SNX29: variants seen among roughly 807,000 people sequenced by gnomAD.
SNX29 encodes sorting nexin 29, also known as sorting nexin-29.
Under a neutral mutation model 102.1 loss-of-function variants are expected in SNX29, and 78 were observed. The observed-to-expected ratio is 0.76, with a 90% CI of 0.64 to 0.92. SNX29 has a LOEUF of 0.92. Ranked by LOEUF, SNX29 falls within the 40% of genes least tolerant of loss-of-function variation. SNX29 has a pLI of 0.00. For missense variants in SNX29, 1,280 were observed against 1,061.7 expected (o/e 1.21, Z -2.86); for synonymous variants, 580 against 414.5 (o/e 1.40, Z -4.85).
At chr16:12,024,038 C>A (rs1235642790) in intron 3 of SNX29, among the ~76,000 whole-genome samples, 1 of 152,004 alleles carries the variant, frequency 6.6e-6, no homozygotes, top group Non-Finnish European at 1.5e-5. Context: ...GGAAATCAGA[C>A]CATTAACAGA....
At chr16:12,203,328 GCGTAGTGTGGCCC>G in intron 14 of SNX29, among the ~76,000 whole-genome samples, 1 of 152,006 alleles carries the variant, frequency 6.6e-6, no homozygotes, top group South Asian at 2.1e-4. Flanking sequence ...CTCTGAAGTT[GCGTAGTGTGGCCC>G]TGCTGTCAGG....
In SNX29 at chr16:12,098,452, C is replaced by G. The variant is rs2052861730; in HGVS notation, c.1402+19537C>G. On this transcript the variant is annotated intron_variant, in intron 11 of 20. Coordinates refer to ENST00000566228, the MANE Select transcript of SNX29 (RefSeq NM_032167.5). The surrounding 1 kb of genome is among the most constrained non-coding windows in gnomAD (Gnocchi z 6.0). Reference sequence around the variant, plus strand: ...GGGGTTGGGCATACTGGAGCTCCCACTTGCAGTGGCCACCGCGTGCCCTTT... The same window carrying G: ...GGGGTTGGGCATACTGGAGCTCCCAGTTGCAGTGGCCACCGCGTGCCCTTT... Among the ~76,000 whole-genome samples, 1 of 152,212 alleles carries G rather than the reference C, an allele frequency of 6.6e-6. No individual in the cohort carries two copies. The highest frequency in any genetic ancestry group is 2.1e-4 in the South Asian group (1 of 4,832).
chr16:12,158,906 C>T (rs1004738581), intron 13 of SNX29, among the ~76,000 whole-genome samples: 12 of 152,226 alleles, frequency 7.9e-5, no homozygotes, highest in Non-Finnish European at 1.8e-4. Context: ...AAATTGTTGA[C>T]TTGATCTCAA....
intron 15 of SNX29, among the ~76,000 whole-genome samples, chr16:12,313,273 C>T (rs748044106): frequency 6.6e-6 from 1 of 152,140 alleles, no homozygotes; most frequent in Non-Finnish European, 1.5e-5. Context: ...CTCGGCCTCC[C>T]GAAGTGCTGG....
intron 9 of SNX29, among the ~76,000 whole-genome samples, chr16:12,068,291 A>T (rs982950490): frequency 6.6e-6 from 1 of 152,044 alleles, no homozygotes; most frequent in African/African-American, 2.4e-5. Context: ...AGCCTGGGCA[A>T]CATAGTGGGA....
chr16:12,288,437 C>T (rs531886183), intron 15 of SNX29, among the ~76,000 whole-genome samples: 4 of 152,178 alleles, frequency 2.6e-5, no homozygotes, highest in Non-Finnish European at 2.9e-5. Context: ...AGCTGCCACC[C>T]TCTGTTTGCG....
intron 13 of SNX29, among the ~76,000 whole-genome samples, chr16:12,151,678 G>A (rs555127539): frequency 2.0e-5 from 3 of 152,148 alleles, no homozygotes; most frequent in African/African-American, 4.8e-5. Context: ...CCTCATTATG[G>A]TTTTACATTT....
intron 20 of SNX29, among the ~76,000 whole-genome samples, chr16:12,554,483 A>G (rs975325529): frequency 6.6e-6 from 1 of 152,132 alleles, no homozygotes; most frequent in Non-Finnish European, 1.5e-5. Context: ...ATAGGCATGG[A>G]GTGGTTTCCA....
At chr16:12,377,780 G>C (rs1567499298) in intron 16 of SNX29, among the ~76,000 whole-genome samples, 2 of 152,150 alleles carry the variant, frequency 1.3e-5, no homozygotes, top group African/African-American at 4.8e-5. Flanking sequence ...TGTGTGTTGA[G>C]TTTTTCAGTT....
chr16:12,542,410 A>G (rs1212786011), intron 20 of SNX29, among the ~76,000 whole-genome samples: 1 of 152,224 alleles, frequency 6.6e-6, no homozygotes, highest in African/African-American at 2.4e-5. Context: ...GTCTCCCCTC[A>G]CTACAGCCTT....
At chr16:12,219,195 G>C (rs1479352769) in intron 14 of SNX29, among the ~76,000 whole-genome samples, 4 of 151,856 alleles carry the variant, frequency 2.6e-5, no homozygotes, top group African/African-American at 9.7e-5. Context: ...TGGGTGCAGC[G>C]TCCATCATTT....
intron 15 of SNX29, among the ~76,000 whole-genome samples, chr16:12,306,368 G>A (rs1021313175): frequency 2.0e-5 from 3 of 151,760 alleles, no homozygotes; most frequent in Admixed American, 6.6e-5. Flanking sequence ...GAGGGTATGG[G>A]ATAGACGGTG....
intron 9 of SNX29, among the ~76,000 whole-genome samples, chr16:12,065,612 C>T (rs2050998770): frequency 6.6e-6 from 1 of 152,190 alleles, no homozygotes; most frequent in Non-Finnish European, 1.5e-5. Flanking sequence ...GTGGCTCTGC[C>T]ATAATCTGAT....
Position 12,058,797 on chromosome 16 carries a change from G to GT in SNX29, c.1125-2704dup, listed in dbSNP as rs34150245. Among the ~76,000 whole-genome samples the GT allele has an allele frequency of 4.8e-3, 543 of 113,702 alleles. 8 individuals are homozygous for GT. Among genetic ancestry groups the GT allele is most frequent in the Non-Finnish European group, 6.7e-3 (377 of 56,484 alleles). 74.6% of individuals were successfully genotyped at this position (113,702 alleles called of 152,430 possible). ...GTGTGAGCCACAGCACCCGGCCTGG[G>GT]TTTTTTTTTTTTTTTTTTTTTTTTT... On this transcript the variant is annotated intron_variant, in intron 8 of 20. Transcript: ENST00000566228.
At chr16:12,304,431 T>C (rs1399606553) in intron 15 of SNX29, among the ~76,000 whole-genome samples, 1 of 152,244 alleles carries the variant, frequency 6.6e-6, no homozygotes, top group East Asian at 1.9e-4. Context: ...CGCCACCATG[T>C]CTGCTGTTCA....
At chr16:12,163,313 T>G (rs373103948) in intron 13 of SNX29, among the ~76,000 whole-genome samples, 2 of 151,964 alleles carry the variant, frequency 1.3e-5, no homozygotes, top group African/African-American at 4.8e-5. Flanking sequence ...GAAGGCTGAT[T>G]AGGGGTTTGG....
intron 18 of SNX29, among the ~76,000 whole-genome samples, chr16:12,423,448 G>A (rs1344662511): frequency 6.6e-6 from 1 of 152,178 alleles, no homozygotes; most frequent in East Asian, 1.9e-4. Flanking sequence ...CCAGCTCAGG[G>A]CTTTGGGGCT....
At chr16:12,253,597 A>G (rs114563912) in intron 14 of SNX29, among the ~76,000 whole-genome samples, 3,202 of 152,046 alleles carry the variant, frequency 0.021, 76 homozygotes, top group African/African-American at 0.053. Flanking sequence ...AGGCAGGGGG[A>G]TGGTGGCGGT....
At chr16:12,099,431 A>G (rs2052913440) in intron 11 of SNX29, among the ~76,000 whole-genome samples, 1 of 152,148 alleles carries the variant, frequency 6.6e-6, no homozygotes, top group Admixed American at 6.5e-5. Flanking sequence ...AGGAAGGGCC[A>G]GTGAGTTGGT....
Sources: gnomAD v4.1 joint callset for allele counts (sites outside exome capture counted in the v4.1 genomes callset) on GRCh38, gnomAD v4.1.1 for gene constraint, Gnocchi (gnomAD v3.1) non-coding constraint, MANE v1.5 for transcripts, NCBI Gene and HGNC (gene_info 2026-07-23, HGNC 2026-07-21) for gene names.